GRIK3: variants seen among roughly 807,000 people sequenced by gnomAD.
GRIK3 encodes glutamate receptor ionotropic, kainate 3.
In GRIK3, 29 loss-of-function variants were observed where a neutral mutation model predicts 102.5. The ratio of observed to expected loss-of-function variants is 0.28; its 90% confidence interval spans 0.21 to 0.39. The LOEUF (loss-of-function observed/expected upper bound fraction) is 0.39. GRIK3 is among the 10% of genes least tolerant of loss of function. The probability of loss-of-function intolerance (pLI) is 1.00; values close to 1 mark genes in which losing one functional copy is unlikely to be tolerated. For missense variants in GRIK3, 908 were observed against 1,252.4 expected (o/e 0.73, Z 4.15); for synonymous variants, 511 against 504.9 (o/e 1.01, Z -0.16).
chr1:36,942,078 G>A (rs1393654578), intron 1 of GRIK3, among the ~76,000 whole-genome samples: 1 of 152,210 alleles, frequency 6.6e-6, no homozygotes, highest in Non-Finnish European at 1.5e-5. Context: ...GTTCAGTCCA[G>A]GCTTCCACTT....
intron 1 of GRIK3, among the ~76,000 whole-genome samples, chr1:36,932,083 C>T (rs1009621232): frequency 6.6e-6 from 1 of 152,112 alleles, no homozygotes; most frequent in South Asian, 2.1e-4. Context: ...ATTGTTGTGG[C>T]TTCCTTGAGG....
chr1:36,963,331 C>G (rs999565176), intron 1 of GRIK3, among the ~76,000 whole-genome samples: 1 of 152,176 alleles, frequency 6.6e-6, no homozygotes, highest in Admixed American at 6.5e-5. Flanking sequence ...CCCCGCTCAG[C>G]CTCCTGAGAC....
chr1:36,964,088 G>C (rs970015344), intron 1 of GRIK3, among the ~76,000 whole-genome samples: 1 of 152,232 alleles, frequency 6.6e-6, no homozygotes, highest in Non-Finnish European at 1.5e-5. Flanking sequence ...GAGGTGCTAA[G>C]AAGCCGTGGG....
chr1:36,940,691 T>C (rs140879964), intron 1 of GRIK3, among the ~76,000 whole-genome samples: 76 of 152,336 alleles, frequency 5.0e-4, no homozygotes, highest in African/African-American at 1.8e-3. Context: ...CCTTACATGC[T>C]TCTCCCTGGC....
At chr1:36,917,288 T>C (rs1340244329) in intron 1 of GRIK3, among the ~76,000 whole-genome samples, 2 of 152,256 alleles carry the variant, frequency 1.3e-5, no homozygotes, top group Non-Finnish European at 2.9e-5. Context: ...TTGATTTTAC[T>C]GGCTCATAGG....
In GRIK3 at chr1:36,799,216, C is replaced by T. The variant is rs1304362273; in HGVS notation, c.*2635G>A. On this transcript the variant is annotated 3_prime_UTR_variant, in exon 16 of 16. Coordinates refer to ENST00000373091, the MANE Select transcript of GRIK3 (RefSeq NM_000831.4). The stretch of plus-strand genomic sequence containing the variant: ...AGCATGAGCCCCTGAAGGGTTGTGC[C>T]CCCGTCTCCTGGCAAGTGTGCCCAT... 3 of 152,246 alleles carry T rather than the reference C, an allele frequency of 2.0e-5. No individual in the cohort carries two copies. Among genetic ancestry groups the T allele is most frequent in the African/African-American group, 7.2e-5 (3 of 41,460 alleles). The allele number at this position is 152,246 out of a possible 1,614,324, so 9.4% of individuals were successfully genotyped here.
At chr1:36,884,991 A>G (rs1401454983) in intron 2 of GRIK3, among the ~76,000 whole-genome samples, 1 of 152,232 alleles carries the variant, frequency 6.6e-6, no homozygotes, top group Non-Finnish European at 1.5e-5. Flanking sequence ...GTGTTCTTCA[A>G]AGAAGTGACT....
intron 1 of GRIK3, among the ~76,000 whole-genome samples, chr1:37,009,128 G>A (rs1642562392): frequency 6.6e-6 from 1 of 152,162 alleles, no homozygotes; most frequent in Non-Finnish European, 1.5e-5. Context: ...CTGTTGTTGT[G>A]AGAATTAACT....
At chr1:36,807,770 C>T (rs935380537) in intron 13 of GRIK3, among the ~76,000 whole-genome samples, 4 of 152,190 alleles carry the variant, frequency 2.6e-5, no homozygotes, top group African/African-American at 7.2e-5. Flanking sequence ...TACATCTGAG[C>T]ACCATATCAG....
chr1:36,812,535 A>G (rs1335019702), intron 13 of GRIK3, among the ~76,000 whole-genome samples: 1 of 151,044 alleles, frequency 6.6e-6, no homozygotes, highest in Non-Finnish European at 1.5e-5. Context: ...CTCTTTTTTC[A>G]TCTCCTAATT....
At chr1:36,902,785 T>G (rs532873) in intron 1 of GRIK3, among the ~76,000 whole-genome samples, 135,496 of 152,166 alleles carry the variant, frequency 0.89, 60,528 homozygotes, top group East Asian at 0.99. Context: ...GGACATATCT[T>G]ATGATGGACT....
intron 5 of GRIK3, among the ~76,000 whole-genome samples, chr1:36,863,254 C>T (rs1159915179): frequency 6.6e-6 from 1 of 152,108 alleles, no homozygotes; most frequent in East Asian, 1.9e-4. Flanking sequence ...CTCCTCCTAC[C>T]GAGAGGCTCT....
chr1:36,989,467 G>A (rs1000148443), intron 1 of GRIK3, among the ~76,000 whole-genome samples: 3 of 152,196 alleles, frequency 2.0e-5, no homozygotes, highest in Admixed American at 6.5e-5. Context: ...GTTAGGAGGC[G>A]GCTGCGGCAG....
rs754175116 is a variant in GRIK3 at position 36,872,168 on chromosome 1, G to C, written c.732+20C>G. On this transcript the variant is annotated intron_variant, in intron 4 of 15. Transcript: ENST00000373091. This position sits in a 1 kb window ranked among gnomAD's most constrained non-coding sequence, Gnocchi z 5.9. ...CCAGCAGACCCCAGTCATCTGTCCC[G>C]GTGGCCAGCACTCACGCACCTGCTT... is the stretch of plus-strand genomic sequence containing the variant. The C allele has an allele frequency of 3.2e-6, 5 of 1,553,160 alleles. No individual in the cohort carries two copies. The South Asian group carries it at 4.9e-5, about 15-fold the overall frequency.
intron 1 of GRIK3, among the ~76,000 whole-genome samples, chr1:36,909,314 C>A (rs1319947660): frequency 6.8e-6 from 1 of 146,068 alleles, no homozygotes; most frequent in Non-Finnish European, 1.5e-5. Flanking sequence ...TTTTTTCCTT[C>A]CTGAGATGGA....
intron 1 of GRIK3, among the ~76,000 whole-genome samples, chr1:36,988,056 C>T (rs190515662): frequency 1.1e-4 from 17 of 152,176 alleles, no homozygotes; most frequent in Admixed American, 3.9e-4. Context: ...TTTGGGAGGC[C>T]GAGGTGGGTG....
intron 1 of GRIK3, among the ~76,000 whole-genome samples, chr1:36,912,155 C>A (rs1322803456): frequency 1.3e-5 from 2 of 152,122 alleles, no homozygotes; most frequent in Non-Finnish European, 2.9e-5. Flanking sequence ...TCCTGGGTCA[C>A]GCTTTTCTCT....
intron 1 of GRIK3, among the ~76,000 whole-genome samples, chr1:36,969,602 A>C (rs1321999198): frequency 6.6e-6 from 1 of 152,266 alleles, no homozygotes; most frequent in East Asian, 1.9e-4. Context: ...AGAGACCTGC[A>C]TAAAGTACCC....
intron 1 of GRIK3, among the ~76,000 whole-genome samples, chr1:36,945,407 G>A (rs1641772174): frequency 1.3e-5 from 2 of 152,166 alleles, no homozygotes; most frequent in African/African-American, 2.4e-5. Flanking sequence ...GTCAGGGATG[G>A]GCTCTCAGGC....
Sources: allele counts gnomAD v4.1 joint callset (sites outside exome capture counted in the v4.1 genomes callset), GRCh38; gene constraint gnomAD v4.1.1; non-coding constraint Gnocchi (gnomAD v3.1); transcripts MANE v1.5; gene names NCBI Gene and HGNC (gene_info 2026-07-23, HGNC 2026-07-21).